OPCML: variants seen among roughly 807,000 people sequenced by gnomAD.
OPCML encodes opioid-binding protein/cell adhesion molecule.
OPCML carries 13 observed loss-of-function variants against 37.8 expected under a neutral mutation model. That is an observed-to-expected ratio of 0.34 (90% CI 0.22 to 0.55). The LOEUF (loss-of-function observed/expected upper bound fraction) is 0.55. Ranked by LOEUF, OPCML falls within the 20% of genes least tolerant of loss-of-function variation. OPCML has a pLI of 0.91. For synonymous variants in OPCML, 176 were observed against 168.8 expected, an observed-to-expected ratio of 1.04 and a Z score of -0.33; for missense variants, 341 against 435.6, an observed-to-expected ratio of 0.78 and a Z score of 1.93.
At chr11:132,485,076 AAAT>A (rs990025058) in intron 4 of OPCML, among the ~76,000 whole-genome samples, 4 of 148,552 alleles carry the variant, frequency 2.7e-5, no homozygotes, top group African/African-American at 9.9e-5. Flanking sequence ...AATAATAAAA[AAAT>A]AATAATAATA....
intron 3 of OPCML, among the ~76,000 whole-genome samples, chr11:132,613,288 T>A (rs2137859981): frequency 6.6e-6 from 1 of 152,338 alleles, no homozygotes; most frequent in African/African-American, 2.4e-5. Flanking sequence ...TACAACAGGA[T>A]ACATGCCCTT....
At chr11:133,151,031 T>C (rs1484566088) in intron 1 of OPCML, among the ~76,000 whole-genome samples, 1 of 151,746 alleles carries the variant, frequency 6.6e-6, no homozygotes, top group African/African-American at 2.4e-5. Flanking sequence ...TCCCAGCACT[T>C]TGGGAGGCTG....
chr11:132,479,944 C>G (rs1218227225), intron 4 of OPCML, among the ~76,000 whole-genome samples: 1 of 152,160 alleles, frequency 6.6e-6, no homozygotes, highest in Non-Finnish European at 1.5e-5. Flanking sequence ...AAACTGGAAA[C>G]TCTAAAAAGC....
intron 1 of OPCML, among the ~76,000 whole-genome samples, chr11:133,319,388 C>T (rs542357185): frequency 6.6e-6 from 1 of 152,266 alleles, no homozygotes; most frequent in South Asian, 2.1e-4. Context: ...CTTAAGTCTC[C>T]CTTATGAGAC....
At chr11:133,410,960 G>A (rs1439829482) in intron 1 of OPCML, among the ~76,000 whole-genome samples, 2 of 152,168 alleles carry the variant, frequency 1.3e-5, no homozygotes, top group African/African-American at 2.4e-5. Context: ...GTGCCCAAAA[G>A]TTACCCAATA....
intron 2 of OPCML, among the ~76,000 whole-genome samples, chr11:132,901,474 G>T (rs1400465204): frequency 6.6e-6 from 1 of 152,160 alleles, no homozygotes; most frequent in Non-Finnish European, 1.5e-5. Flanking sequence ...CGTTGCACTT[G>T]TCATGTAACA....
At chr11:132,740,877 G>A (rs560728280) in intron 2 of OPCML, among the ~76,000 whole-genome samples, 2 of 152,210 alleles carry the variant, frequency 1.3e-5, no homozygotes, top group East Asian at 1.9e-4. Flanking sequence ...TTTATTAAAT[G>A]TTTACTTTGT....
At chr11:133,198,937 T>G (rs1334973811) in intron 1 of OPCML, among the ~76,000 whole-genome samples, 1 of 152,196 alleles carries the variant, frequency 6.6e-6, no homozygotes, top group Non-Finnish European at 1.5e-5. Context: ...TAAAATAGTT[T>G]ATTTGGGAAG....
intron 2 of OPCML, among the ~76,000 whole-genome samples, chr11:132,850,868 T>C (rs1050577686): frequency 2.0e-5 from 3 of 152,176 alleles, no homozygotes; most frequent in Non-Finnish European, 4.4e-5. Context: ...AATTGACAGT[T>C]TTCCAACATT....
chr11:133,178,879 T>C (rs540324169), intron 1 of OPCML, among the ~76,000 whole-genome samples: 3 of 152,356 alleles, frequency 2.0e-5, no homozygotes, highest in African/African-American at 7.2e-5. Flanking sequence ...ACATACAGTA[T>C]GCAGATGTTT....
intron 2 of OPCML, among the ~76,000 whole-genome samples, chr11:132,822,573 G>T (rs913486915): frequency 6.6e-6 from 1 of 152,038 alleles, no homozygotes; most frequent in African/African-American, 2.4e-5. Flanking sequence ...TCTGGCCCAG[G>T]GGATGGTCCA....
chr11:132,868,468 ATTCC>A (rs1271401565), intron 2 of OPCML, among the ~76,000 whole-genome samples: 3 of 152,108 alleles, frequency 2.0e-5, no homozygotes, highest in African/African-American at 7.2e-5. Context: ...GTCACTTAAC[ATTCC>A]TTTATGTCAA....
chr11:133,494,105 A>G (rs1270301212), intron 1 of OPCML, among the ~76,000 whole-genome samples: 1 of 151,602 alleles, frequency 6.6e-6, no homozygotes, highest in Non-Finnish European at 1.5e-5. Flanking sequence ...TGCAGCCAAA[A>G]AAACACATAA....
rs776601684 is a variant in OPCML, at chr11:133,237,949, C to T, written c.61+294315G>A. Among the ~76,000 whole-genome samples the T allele has an allele frequency of 1.8e-4, 27 of 152,360 alleles. 1 individual carries two copies. In the South Asian group the frequency reaches 1.9e-3, roughly 11 times the overall value. ...GCTACTCTTTATTGCGTTATTATTACATGCTAGTCACTGCACTAAGTGCTT... is the reference window on the plus strand; with the variant it reads ...GCTACTCTTTATTGCGTTATTATTATATGCTAGTCACTGCACTAAGTGCTT... On this transcript the variant is annotated intron_variant, in intron 1 of 7. Transcript: ENST00000524381.
chr11:133,047,674 C>T (rs559730122), intron 1 of OPCML, among the ~76,000 whole-genome samples: 12 of 152,300 alleles, frequency 7.9e-5, no homozygotes, highest in Admixed American at 6.5e-4. Context: ...ACCCCTCCTC[C>T]GTCTCTCTGC....
chr11:132,978,099 C>T (rs905297987), intron 1 of OPCML, among the ~76,000 whole-genome samples: 2 of 152,110 alleles, frequency 1.3e-5, no homozygotes, highest in African/African-American at 2.4e-5. Flanking sequence ...TACCGGATGC[C>T]GGCGGGCTAA....
chr11:133,326,033 T>C (rs1166835551), intron 1 of OPCML, among the ~76,000 whole-genome samples: 1 of 152,198 alleles, frequency 6.6e-6, no homozygotes, highest in East Asian at 1.9e-4. Flanking sequence ...CAAATTTTCC[T>C]TCATTAAAAT....
chr11:132,709,000 T>G (rs1467036236), intron 2 of OPCML, among the ~76,000 whole-genome samples: 1 of 152,214 alleles, frequency 6.6e-6, no homozygotes, highest in Non-Finnish European at 1.5e-5. Context: ...GAGTTTCACT[T>G]TCTTTAAAAG....
At chr11:132,597,190 A>G (rs145086075) in intron 3 of OPCML, among the ~76,000 whole-genome samples, 51 of 152,336 alleles carry the variant, frequency 3.3e-4, no homozygotes, top group African/African-American at 1.2e-3. Flanking sequence ...TCTTCTAGGA[A>G]CTTTCTGCAG....
Sources: allele counts gnomAD v4.1 joint callset (sites outside exome capture counted in the v4.1 genomes callset), GRCh38; gene constraint gnomAD v4.1.1; transcripts MANE v1.5; gene names NCBI Gene and HGNC (gene_info 2026-07-23, HGNC 2026-07-21).